IPO11: variants seen among roughly 807,000 people sequenced by gnomAD.
The protein encoded by IPO11 is importin-11.
In IPO11, 66 loss-of-function variants were observed where a neutral mutation model predicts 143.2. That is an observed-to-expected ratio of 0.46 (90% CI 0.38 to 0.57). The LOEUF (loss-of-function observed/expected upper bound fraction) is 0.57, where lower values mean the gene tolerates loss of function less well. Ranked by LOEUF, IPO11 falls within the 20% of genes least tolerant of loss-of-function variation. The probability of loss-of-function intolerance (pLI) is 0.00; values close to 1 mark genes in which losing one functional copy is unlikely to be tolerated. For synonymous variants in IPO11, 385 were observed against 377.8 expected (o/e 1.02, Z -0.22); for missense variants, 1,026 against 1,141.0 (o/e 0.90, Z 1.45).
chr5:62,518,487 A>T (rs1742100784), intron 20 of IPO11, among the ~76,000 whole-genome samples: 1 of 151,490 alleles, frequency 6.6e-6, no homozygotes, highest in Non-Finnish European at 1.5e-5. Context: ...GGTGGCGCAC[A>T]CTTGTAATCC....
In IPO11 at chr5:62,605,713, GTAT is replaced by G. The variant is rs139613779; in HGVS notation, c.2763+3891_2763+3893del. Reference sequence around the variant, plus strand: ...CAACTCTATGATACCAGCTAACAAAGTATTATTATTATTATTATTATTATTATT... The same window carrying G: ...CAACTCTATGATACCAGCTAACAAAGTATTATTATTATTATTATTATTATT... On this transcript the variant is annotated intron_variant, in intron 29 of 29. Coordinates refer to ENST00000325324, the MANE Select transcript of IPO11 (RefSeq NM_016338.5). 3.3e-4 allele frequency among the ~76,000 whole-genome samples: 48 copies of G among 146,756 alleles called. 1 individual carries two copies. In the East Asian group the frequency reaches 4.2e-3, roughly 13 times the overall value.
At chr5:62,425,775 G>C (rs940132465) in intron 1 of IPO11, among the ~76,000 whole-genome samples, 2 of 152,206 alleles carry the variant, frequency 1.3e-5, no homozygotes, top group East Asian at 3.8e-4. Context: ...TTCCTTTTAT[G>C]TGATACAAGT....
At chr5:62,567,489 A>ATTT (rs150049462) in intron 27 of IPO11, among the ~76,000 whole-genome samples, 17 of 123,090 alleles carry the variant, frequency 1.4e-4, no homozygotes, top group East Asian at 4.6e-4. Flanking sequence ...TATTATTATT[A>ATTT]TTATTATTTT....
intron 1 of IPO11, among the ~76,000 whole-genome samples, chr5:62,420,494 A>G (rs1743474049): frequency 1.3e-5 from 2 of 152,010 alleles, no homozygotes; most frequent in Admixed American, 1.3e-4. Context: ...GATGGCTATG[A>G]TGTCACTATG....
At chr5:62,586,325 T>A (rs1164326502) in intron 27 of IPO11, among the ~76,000 whole-genome samples, 1 of 152,186 alleles carries the variant, frequency 6.6e-6, no homozygotes, top group Non-Finnish European at 1.5e-5. Flanking sequence ...AACTTTGACA[T>A]TGGTGTCTTC....
intron 26 of IPO11, among the ~76,000 whole-genome samples, chr5:62,559,407 A>G (rs1743689169): frequency 6.6e-6 from 1 of 151,558 alleles, no homozygotes; most frequent in Admixed American, 6.6e-5. Flanking sequence ...AATGATGATG[A>G]TGGACTATTT....
At chr5:62,480,938 CAG>C (rs1746179496) in intron 9 of IPO11, among the ~76,000 whole-genome samples, 1 of 94,116 alleles carries the variant, frequency 1.1e-5, no homozygotes, top group Non-Finnish European at 1.9e-5. Context: ...TTTTTGGAGA[CAG>C]AGTCTTGCTC....
chr5:62,576,175 AAC>A (rs1449723560), intron 27 of IPO11: 1 of 156,708 alleles, frequency 6.4e-6, no homozygotes, highest in Non-Finnish European at 1.5e-5. Context: ...CTTGGGCATA[AAC>A]ACCTTCAGTT....
intron 27 of IPO11, among the ~76,000 whole-genome samples, chr5:62,571,772 G>A (rs999462929): frequency 6.0e-5 from 9 of 149,194 alleles, no homozygotes; most frequent in Non-Finnish European, 1.3e-4. Context: ...TGCAACCTCC[G>A]CCTCCCGGGT....
At chr5:62,487,586 G>A (rs890456188) in intron 12 of IPO11, among the ~76,000 whole-genome samples, 185 bp from the exon 13 acceptor site, 3 of 150,596 alleles carry the variant, frequency 2.0e-5, no homozygotes, top group African/African-American at 7.3e-5. Flanking sequence ...ATTATAATTC[G>A]ATTTTGTTTT....
chr5:62,448,328 A>G (rs998450792), intron 3 of IPO11, among the ~76,000 whole-genome samples: 2 of 152,162 alleles, frequency 1.3e-5, no homozygotes, highest in Non-Finnish European at 2.9e-5. Context: ...TCAGGATGCT[A>G]CGCTATTCAA....
chr5:62,592,025 T>G (rs1745042807), intron 28 of IPO11, among the ~76,000 whole-genome samples: 1 of 152,142 alleles, frequency 6.6e-6, no homozygotes, highest in Non-Finnish European at 1.5e-5. Flanking sequence ...ACTTTTTGTA[T>G]TTTTAGTAGA....
rs397882889 is a variant in IPO11 at position 62,452,756 on chromosome 5, G to A, written c.516+823G>A. Among the ~76,000 whole-genome samples, 91 of 116,026 alleles carry A rather than the reference G, an allele frequency of 7.8e-4. 6 individuals are homozygous for A. Among genetic ancestry groups the A allele is most frequent in the Middle Eastern group, 9.9e-3 (2 of 202 alleles). 76.1% of individuals were successfully genotyped at this position (116,026 alleles called of 152,430 possible). ...TGTGTGTGTGTGTGTGTGTGTGTGT[G>A]TGTGCACGCATTTTGAGACGGGGTT... On this transcript the variant is annotated intron_variant, in intron 5 of 29. Coordinates refer to ENST00000325324, the MANE Select transcript of IPO11 (RefSeq NM_016338.5).
chr5:62,616,445 A>G (rs1477945623), intron 29 of IPO11, among the ~76,000 whole-genome samples: 1 of 152,138 alleles, frequency 6.6e-6, no homozygotes, highest in East Asian at 1.9e-4. Context: ...ATAAAAACCA[A>G]TGAGATGGCC....
intron 19 of IPO11, among the ~76,000 whole-genome samples, chr5:62,514,264 G>A (rs960983746): frequency 2.6e-3 from 389 of 149,636 alleles, no homozygotes; most frequent in East Asian, 0.025. Context: ...AGGCCATAGC[G>A]AGCCGAGATC....
At position 62,536,730 on chromosome 5, in the gene IPO11, C is replaced by T; in HGVS notation, c.2118C>T (p.Cys706=). The T allele has an allele frequency of 1.9e-6, 3 of 1,579,008 alleles. No homozygotes were observed. Among genetic ancestry groups the T allele is most frequent in the South Asian group, 1.2e-5 (1 of 84,896 alleles). ...TAAGTTCAGAAAATCTTAGAACTTGCTTTAAGATCATCAATGGTTATATCT... is the reference window on the plus strand; with the variant it reads ...TAAGTTCAGAAAATCTTAGAACTTGTTTTAAGATCATCAATGGTTATATCT... ...LELSSENLRT[C]FKIINGYIFL... is the part of the protein sequence containing the mutation. The change falls in exon 23 of 30, where the codon TGC becomes TGT. Residue 706 remains cysteine (C), a synonymous_variant. Coordinates refer to ENST00000325324, the MANE Select transcript of IPO11 (RefSeq NM_016338.5).
intron 27 of IPO11, among the ~76,000 whole-genome samples, chr5:62,578,037 T>C (rs1214892915): frequency 6.6e-6 from 1 of 152,120 alleles, no homozygotes; most frequent in African/African-American, 2.4e-5. Flanking sequence ...AAATTCTCCA[T>C]TTTTGTTCTA....
intron 16 of IPO11, among the ~76,000 whole-genome samples, chr5:62,498,228 T>C (rs549242756): frequency 3.6e-4 from 55 of 152,266 alleles, no homozygotes; most frequent in African/African-American, 1.3e-3. Flanking sequence ...TTTAAACTTA[T>C]TGTTAACAGA....
At chr5:62,458,253 TG>T (rs1210269836) in intron 5 of IPO11, among the ~76,000 whole-genome samples, 1 of 152,180 alleles carries the variant, frequency 6.6e-6, no homozygotes, top group African/African-American at 2.4e-5. Context: ...GTACATTAAA[TG>T]CCATGTTGAT....
Sources: allele counts gnomAD v4.1 joint callset (sites outside exome capture counted in the v4.1 genomes callset), GRCh38; gene constraint gnomAD v4.1.1; transcripts MANE v1.5; gene names NCBI Gene and HGNC (gene_info 2026-07-23, HGNC 2026-07-21).